Variants in GRIP1 observed in about 807,000 individuals in gnomAD.
GRIP1 encodes the protein glutamate receptor-interacting protein 1.
GRIP1 carries 45 observed loss-of-function variants against 129.9 expected under a neutral mutation model. That is an observed-to-expected ratio of 0.35 (90% CI 0.27 to 0.44). GRIP1 has a LOEUF of 0.44. GRIP1 is among the 20% of genes least tolerant of loss of function. GRIP1 has a pLI of 1.00. For synonymous variants in GRIP1, 530 were observed against 520.8 expected, an observed-to-expected ratio of 1.02 and a Z score of -0.24; for missense variants, 1,196 against 1,396.8, an observed-to-expected ratio of 0.86 and a Z score of 2.29.
chr12:66,512,303 C>G (rs2060721928), intron 7 of GRIP1, among the ~76,000 whole-genome samples: 1 of 152,068 alleles, frequency 6.6e-6, no homozygotes, highest in Admixed American at 6.6e-5. Flanking sequence ...GAGGTTGGAA[C>G]AGTTTGGAGG....
chr12:66,509,158 C>T (rs1327815003), intron 7 of GRIP1, among the ~76,000 whole-genome samples: 3 of 152,276 alleles, frequency 2.0e-5, no homozygotes, highest in South Asian at 2.1e-4. Context: ...AAATATGCTT[C>T]CTAGCAACAA....
intron 1 of GRIP1, among the ~76,000 whole-genome samples, chr12:66,944,588 G>A (rs1328598707): frequency 6.6e-6 from 1 of 152,016 alleles, no homozygotes; most frequent in Admixed American, 6.5e-5. Flanking sequence ...TCTGAGATGT[G>A]TGAGAAAGTC....
intron 1 of GRIP1, among the ~76,000 whole-genome samples, chr12:66,951,502 G>A (rs1214533061): frequency 6.6e-6 from 1 of 152,228 alleles, no homozygotes; most frequent in East Asian, 1.9e-4. Flanking sequence ...GGAGGGGTCA[G>A]TGGGAGCCAG....
At chr12:66,446,094 G>GCCACCCCCCCCCC (rs1555185775) in intron 11 of GRIP1, among the ~76,000 whole-genome samples, 9 of 140,400 alleles carry the variant, frequency 6.4e-5, no homozygotes, top group African/African-American at 2.3e-4. Flanking sequence ...CATTCCTCCT[G>GCCACCCCCCCCCC]CCGCCCCCCA....
chr12:66,364,985 T>A (rs2055047466), intron 23 of GRIP1, among the ~76,000 whole-genome samples: 1 of 152,158 alleles, frequency 6.6e-6, no homozygotes, highest in South Asian at 2.1e-4. Context: ...TGACTGAGAC[T>A]TGTCTCAGTC....
chr12:66,952,774 T>C (rs1195384344), intron 1 of GRIP1, among the ~76,000 whole-genome samples: 3 of 152,230 alleles, frequency 2.0e-5, no homozygotes, highest in Non-Finnish European at 4.4e-5. Flanking sequence ...ATTAAAAACA[T>C]TCTCTATTTG....
intron 1 of GRIP1, among the ~76,000 whole-genome samples, chr12:66,987,170 G>A (rs1285084433): frequency 1.3e-5 from 2 of 152,126 alleles, no homozygotes; most frequent in Non-Finnish European, 1.5e-5. Flanking sequence ...GGAGCAGTTT[G>A]GGAGGGTGAA....
At chr12:66,387,659 A>C (rs914617608) in intron 19 of GRIP1, among the ~76,000 whole-genome samples, 1 of 152,260 alleles carries the variant, frequency 6.6e-6, no homozygotes, top group African/African-American at 2.4e-5. Context: ...ACAAAATTTA[A>C]AAAATACACA....
intron 1 of GRIP1, among the ~76,000 whole-genome samples, chr12:66,599,151 C>A (rs2064175518): frequency 6.6e-6 from 1 of 152,220 alleles, no homozygotes; most frequent in Non-Finnish European, 1.5e-5. Flanking sequence ...CCACCCCCAA[C>A]CTCCACTCCT....
intron 1 of GRIP1, among the ~76,000 whole-genome samples, chr12:66,944,487 G>A (rs866953500): frequency 3.3e-5 from 5 of 151,536 alleles, no homozygotes; most frequent in African/African-American, 7.3e-5. Context: ...TTGCTGAACA[G>A]AATGTCAGTA....
chr12:66,777,130 A>T (rs765290091), intron 1 of GRIP1, among the ~76,000 whole-genome samples: 1 of 152,190 alleles, frequency 6.6e-6, no homozygotes, highest in Non-Finnish European at 1.5e-5. Context: ...TCTTACACTC[A>T]GAGTGAAAGG....
At chr12:66,581,084 C>A (rs2063358293) in intron 2 of GRIP1, among the ~76,000 whole-genome samples, 1 of 152,194 alleles carries the variant, frequency 6.6e-6, no homozygotes, top group South Asian at 2.1e-4. Flanking sequence ...CAAACTAGAA[C>A]TCAGGATTAA....
At chr12:66,601,532 C>T (rs919722387) in intron 1 of GRIP1, among the ~76,000 whole-genome samples, 3 of 152,182 alleles carry the variant, frequency 2.0e-5, no homozygotes, top group African/African-American at 7.2e-5. Flanking sequence ...GTGTTCAAAG[C>T]TTTGCTGAAG....
intron 1 of GRIP1, among the ~76,000 whole-genome samples, chr12:66,980,713 T>C (rs2042231442): frequency 6.6e-6 from 1 of 152,204 alleles, no homozygotes; most frequent in Non-Finnish European, 1.5e-5. Flanking sequence ...AAGAAGAAAC[T>C]AACTTGGCCA....
intron 1 of GRIP1, among the ~76,000 whole-genome samples, chr12:66,877,157 C>T (rs1476055578): frequency 6.6e-6 from 1 of 152,100 alleles, no homozygotes. Flanking sequence ...ATACAACACA[C>T]CTGTAACCGA....
chr12:66,543,022 T>G (rs1047005170), intron 2 of GRIP1, among the ~76,000 whole-genome samples: 13 of 152,200 alleles, frequency 8.5e-5, no homozygotes, highest in Non-Finnish European at 1.8e-4. Flanking sequence ...ATGTTGAAAA[T>G]ATTTATAAAT....
chr12:66,764,278 G>C lies in GRIP1; in HGVS notation c.-420+39775C>G, dbSNP rs565902726. 3.3e-5 allele frequency among the ~76,000 whole-genome samples: 5 copies of C among 152,254 alleles called. No individual in the cohort carries two copies. The South Asian group carries it at 8.3e-4, about 25-fold the overall frequency. The stretch of plus-strand genomic sequence containing the variant: ...TGAATACCAAAGATAGAGGGAACTA[G>C]AATTATTTTACCTTGGCTCTAGGCT... On this transcript the variant is annotated intron_variant, in intron 1 of 4. Coordinates refer to the GRIP1 transcript ENST00000538373.
chr12:66,685,814 G>A (rs1270889092), intron 1 of GRIP1, among the ~76,000 whole-genome samples: 2 of 152,078 alleles, frequency 1.3e-5, no homozygotes, highest in African/African-American at 4.8e-5. Flanking sequence ...CATCTAACAC[G>A]CTACCTATTT....
chr12:66,383,264 T>G (rs2056199036), intron 19 of GRIP1, among the ~76,000 whole-genome samples: 2 of 151,254 alleles, frequency 1.3e-5, no homozygotes, highest in African/African-American at 4.9e-5. Context: ...GCCACTGCAC[T>G]CCAGCCTGGG....
Sources: gnomAD v4.1 joint callset for allele counts (sites outside exome capture counted in the v4.1 genomes callset) on GRCh38, gnomAD v4.1.1 for gene constraint, MANE v1.5 for transcripts, NCBI Gene and HGNC (gene_info 2026-07-23, HGNC 2026-07-21) for gene names.